Variants in LYPD6 observed in about 807,000 individuals in gnomAD.
LYPD6 encodes the protein LY6/PLAUR domain containing 6, also known as ly6/PLAUR domain-containing protein 6.
LYPD6 carries 15 observed loss-of-function variants against 22.7 expected under a neutral mutation model. The observed-to-expected ratio is 0.66, with a 90% CI of 0.44 to 1.02. The LOEUF (loss-of-function observed/expected upper bound fraction) is 1.02, where lower values mean the gene tolerates loss of function less well. Ranked by LOEUF, LYPD6 falls within the 50% of genes least tolerant of loss-of-function variation. The pLI is 0.00. For missense variants in LYPD6, 189 were observed against 208.4 expected, an observed-to-expected ratio of 0.91 and a Z score of 0.57; for synonymous variants, 72 against 77.5, an observed-to-expected ratio of 0.93 and a Z score of 0.37.
intron 1 of LYPD6, among the ~76,000 whole-genome samples, chr2:149,426,597 A>G (rs1683193160): frequency 1.3e-5 from 2 of 152,216 alleles, no homozygotes; most frequent in Non-Finnish European, 2.9e-5. Context: ...TGTCCCCAGA[A>G]TCCATGGGAC....
rs186338588 is a variant in LYPD6, at chr2:149,378,078, T to G, written c.-72+47356T>G. Among the ~76,000 whole-genome samples, 175 of 152,262 alleles carry G rather than the reference T, an allele frequency of 1.1e-3. 1 individual carries two copies. Among genetic ancestry groups the G allele is most frequent in the African/African-American group, 3.9e-3 (162 of 41,556 alleles). On this transcript the variant is annotated intron_variant, in intron 1 of 4. Coordinates refer to ENST00000334166, the MANE Select transcript of LYPD6 (RefSeq NM_194317.5). ...ATTCTTCAAAAGACTTTCCTAGCTA[T>G]GTGTAACTCATAGTAATAATCAAGG... is the stretch of plus-strand genomic sequence containing the variant.
intron 1 of LYPD6, among the ~76,000 whole-genome samples, chr2:149,434,347 A>G (rs1289124936): frequency 1.3e-5 from 2 of 152,216 alleles, no homozygotes; most frequent in East Asian, 3.8e-4. Flanking sequence ...AAGTTCTGCT[A>G]TACTTAATCC....
chr2:149,375,894 A>G (rs1681910401), intron 1 of LYPD6, among the ~76,000 whole-genome samples: 2 of 152,250 alleles, frequency 1.3e-5, no homozygotes, highest in South Asian at 2.1e-4. Context: ...ATCAATATGC[A>G]AAGCATACAG....
intron 3 of LYPD6, among the ~76,000 whole-genome samples, chr2:149,450,237 T>C (rs1683777142): frequency 6.6e-6 from 1 of 152,160 alleles, no homozygotes; most frequent in South Asian, 2.1e-4. Context: ...AAAACATAGA[T>C]TTCTGCTCCC....
At chr2:149,332,070 C>T (rs1249341256) in intron 1 of LYPD6, among the ~76,000 whole-genome samples, 1 of 152,220 alleles carries the variant, frequency 6.6e-6, no homozygotes, top group Non-Finnish European at 1.5e-5. Context: ...TTTGTGCAAT[C>T]GCCCATGAAA....
rs147424742 is a variant in LYPD6 at position 149,470,756 on chromosome 2, C to T, written c.422C>T (p.Ala141Val). The T allele has an allele frequency of 5.6e-6, 9 of 1,613,654 alleles. No homozygotes were observed. The highest frequency in any genetic ancestry group is 7.6e-6 in the Non-Finnish European group (9 of 1,179,800). ...LPRNETDATFATTSPINQTNG... is the reference protein window; with the variant it reads ...LPRNETDATFVTTSPINQTNG... ...CGAAATGAAACTGATGCCACATTTG[C>T]CACGACGTCACCTATAAATCAGACA... Residue 141 changes from alanine (A) to valine (V), a missense_variant, in exon 5 of 5, where the codon GCC (alanine) becomes GTC (valine). Transcript: ENST00000334166.
chr2:149,404,478 G>T (rs1171079265), intron 1 of LYPD6, among the ~76,000 whole-genome samples: 2 of 152,024 alleles, frequency 1.3e-5, no homozygotes, highest in African/African-American at 2.4e-5. Context: ...CCTAGGTATT[G>T]TATTCTCTTT....
At chr2:149,442,244 CAA>C (rs1178218377) in intron 2 of LYPD6, among the ~76,000 whole-genome samples, 7 of 152,192 alleles carry the variant, frequency 4.6e-5, no homozygotes, top group African/African-American at 1.7e-4. Flanking sequence ...CCTTTCAAAA[CAA>C]AAGTCTGTTC....
At chr2:149,444,210 A>G (rs187615618) in intron 2 of LYPD6, among the ~76,000 whole-genome samples, 1 of 152,258 alleles carries the variant, frequency 6.6e-6, no homozygotes, top group East Asian at 1.9e-4. Context: ...CTGAGATTAC[A>G]TCGTTGGCCA....
intron 1 of LYPD6, among the ~76,000 whole-genome samples, chr2:149,425,803 T>C (rs1287897894): frequency 2.6e-5 from 4 of 152,232 alleles, no homozygotes; most frequent in African/African-American, 9.6e-5. Context: ...GAAATCCTTC[T>C]TTCCTCTAAC....
intron 1 of LYPD6, among the ~76,000 whole-genome samples, chr2:149,398,881 AT>A (rs1682487745): frequency 6.6e-6 from 1 of 152,216 alleles, no homozygotes; most frequent in African/African-American, 2.4e-5. Context: ...GTTTTCTAGA[AT>A]TTAAACGAGT....
At chr2:149,340,420 G>A (rs764821682) in intron 1 of LYPD6, among the ~76,000 whole-genome samples, 5 of 152,054 alleles carry the variant, frequency 3.3e-5, no homozygotes, top group Non-Finnish European at 5.9e-5. Flanking sequence ...TTCATCCACA[G>A]GACTCTACCT....
intron 3 of LYPD6, among the ~76,000 whole-genome samples, chr2:149,458,229 C>G (rs1030141250): frequency 7.2e-5 from 11 of 152,164 alleles, no homozygotes; most frequent in Non-Finnish European, 1.3e-4. Context: ...CCCCACCAGG[C>G]AGTAACAAGG....
chr2:149,334,566 T>C (rs754215427), intron 1 of LYPD6, among the ~76,000 whole-genome samples: 4 of 151,938 alleles, frequency 2.6e-5, no homozygotes, highest in Non-Finnish European at 5.9e-5. Flanking sequence ...TTCACCTAAG[T>C]ATATTGAAGA....
chr2:149,368,974 A>G (rs534712143), intron 1 of LYPD6, among the ~76,000 whole-genome samples: 5 of 152,246 alleles, frequency 3.3e-5, no homozygotes, highest in Admixed American at 2.0e-4. Flanking sequence ...ATTATTAATT[A>G]TAGGAGTTTG....
upstream of LYPD6, chr2:149,330,440 A>T (rs1311497705): frequency 6.7e-6 from 1 of 149,408 alleles, no homozygotes; most frequent in Non-Finnish European, 1.5e-5. Context: ...CGCCCCGCGG[A>T]GGGCTCCGCT....
chr2:149,388,176 CTCTCTT>C (rs1559134046), intron 1 of LYPD6, among the ~76,000 whole-genome samples: 7 of 96,480 alleles, frequency 7.3e-5, no homozygotes, highest in Admixed American at 1.2e-4. Context: ...TTCTCTCTCT[CTCTCTT>C]TTTTTTTTTT....
chr2:149,399,766 A>C (rs934395663), intron 1 of LYPD6, among the ~76,000 whole-genome samples: 1 of 151,954 alleles, frequency 6.6e-6, no homozygotes, highest in South Asian at 2.1e-4. Context: ...AAATAAAATC[A>C]TTAGAGGGAC....
intron 1 of LYPD6, among the ~76,000 whole-genome samples, chr2:149,428,191 T>C (rs896304961): frequency 2.6e-5 from 4 of 152,302 alleles, no homozygotes; most frequent in Middle Eastern, 3.4e-3. Flanking sequence ...TAAAGAAATA[T>C]TAATGTAAAA....
Sources: allele counts gnomAD v4.1 joint callset (sites outside exome capture counted in the v4.1 genomes callset), GRCh38; gene constraint gnomAD v4.1.1; transcripts MANE v1.5; gene names NCBI Gene and HGNC (gene_info 2026-07-23, HGNC 2026-07-21).